MYH11: variants seen among roughly 807,000 people sequenced by gnomAD.
MYH11 encodes the protein myosin-11.
Under a neutral mutation model 246.6 loss-of-function variants are expected in MYH11, and 80 were observed. That is an observed-to-expected ratio of 0.32 (90% CI 0.27 to 0.39). MYH11 has a LOEUF of 0.39. MYH11 is among the 10% of genes least tolerant of loss of function. The pLI is 1.00. For synonymous variants in MYH11, 1,071 were observed against 1,015.5 expected, an observed-to-expected ratio of 1.05 and a Z score of -1.04; for missense variants, 2,158 against 2,546.8, an observed-to-expected ratio of 0.85 and a Z score of 3.29.
Position 15,745,124 on chromosome 16 carries a change from C to G in MYH11, c.2520+5G>C. 1 of 1,613,280 alleles carries G rather than the reference C, an allele frequency of 6.2e-7. No homozygotes were observed. Among genetic ancestry groups the G allele is most frequent in the Admixed American group, 1.7e-5 (1 of 60,026 alleles). ...CTGGGAAGGGGGCTGGGGCAGAGCACTCACTTTGGTGAAAAGCCTCCACCA... is the reference window on the plus strand; with the variant it reads ...CTGGGAAGGGGGCTGGGGCAGAGCAGTCACTTTGGTGAAAAGCCTCCACCA... On this transcript the variant is annotated splice_donor_5th_base_variant and intron_variant, in intron 20 of 40. Coordinates refer to ENST00000300036, the MANE Select transcript of MYH11 (RefSeq NM_002474.3).
Position 15,856,611 on chromosome 16 carries a change from G to A in MYH11, c.-18+330C>T, listed in dbSNP as rs1259942635. ...TTAGCCTCTTAACAAGAATCACTCG[G>A]GACTAATTTTTTTTTTTTTAAGGCA... On this transcript the variant is annotated intron_variant, in intron 1 of 40. Transcript: ENST00000300036. Among the ~76,000 whole-genome samples, 6 of 139,632 alleles carry A rather than the reference G, an allele frequency of 4.3e-5. 1 individual carries two copies. The East Asian group carries it at 1.7e-3, about 40-fold the overall frequency. 91.6% of individuals were successfully genotyped at this position (139,632 alleles called of 152,430 possible).
chr16:15,849,060 C>T (rs1164759975), intron 1 of MYH11, among the ~76,000 whole-genome samples: 3 of 152,210 alleles, frequency 2.0e-5, no homozygotes, highest in African/African-American at 7.2e-5. Context: ...TCATCAAGAG[C>T]TGCTCTCAAT....
chr16:15,745,354 A>C (rs2041389155), intron 19 of MYH11, 117 bp from the exon 20 acceptor site: 1 of 683,108 alleles, frequency 1.5e-6, no homozygotes, highest in Admixed American at 2.4e-5. Context: ...TCCCCAACTC[A>C]GGTTCTTCCA....
At chr16:15,721,132 C>G in intron 32 of MYH11, 81 bp from the exon 33 acceptor site, 2 of 1,483,022 alleles carry the variant, frequency 1.3e-6, no homozygotes, top group South Asian at 1.1e-5. Flanking sequence ...AGCGGCACCT[C>G]AGGAGATCAG....
chr16:15,730,637 C>G (rs1331202656), intron 27 of MYH11, among the ~76,000 whole-genome samples: 23 of 152,116 alleles, frequency 1.5e-4, no homozygotes, highest in Non-Finnish European at 2.5e-4. Context: ...GCAAATTCCC[C>G]AAAATTTTTA....
intron 2 of MYH11, among the ~76,000 whole-genome samples, chr16:15,837,322 AGTTTATCATAC>A (rs2043923389): frequency 6.6e-6 from 1 of 152,164 alleles, no homozygotes; most frequent in Non-Finnish European, 1.5e-5. Flanking sequence ...ATCTGTTGAG[AGTTTATCATAC>A]GTCTTGGCAC....
chr16:15,750,204 C>T lies in MYH11; in HGVS notation c.1992G>A (p.Leu664=), dbSNP rs2041529104. Residue 664 remains leucine (L), a synonymous_variant, in exon 16 of 41, where the codon CTG becomes CTA. Transcript: ENST00000300036. The surrounding 1 kb of genome is among the most constrained non-coding windows in gnomAD (Gnocchi z 4.3). ...GCGTGGTGTTGCGTAGCGTGGTCAT[C>T]AGCTTGCCCAGCTGCTCCTTGTACA... ...GQLYKEQLGK[L]MTTLRNTTPN... is the part of the protein sequence containing the mutation. The T allele has an allele frequency of 1.9e-6, 3 of 1,614,240 alleles. No homozygotes were observed. The highest frequency in any genetic ancestry group is 4.5e-5 in the East Asian group (2 of 44,880).
chr16:15,794,006 C>T (rs1223272369), intron 4 of MYH11, among the ~76,000 whole-genome samples: 3 of 128,832 alleles, frequency 2.3e-5, no homozygotes, highest in South Asian at 2.6e-4. Flanking sequence ...TGCAGTGGTG[C>T]GATCTCTGCT....
At chr16:15,796,745 T>TA (rs749733537) in intron 4 of MYH11, among the ~76,000 whole-genome samples, 1 of 151,808 alleles carries the variant, frequency 6.6e-6, no homozygotes, top group Non-Finnish European at 1.5e-5. Context: ...AAGAGAGAGG[T>TA]AGGGGGACCA....
chr16:15,790,040 C>CA (rs1277407327), intron 4 of MYH11, among the ~76,000 whole-genome samples: 1 of 152,248 alleles, frequency 6.6e-6, no homozygotes, highest in East Asian at 1.9e-4. Context: ...TGTGGTGGCT[C>CA]ACGCCTGTCA....
intron 2 of MYH11, among the ~76,000 whole-genome samples, chr16:15,831,973 G>A (rs1567207115): frequency 6.6e-6 from 1 of 151,976 alleles, no homozygotes; most frequent in Admixed American, 6.6e-5. Flanking sequence ...TAATGCTTGG[G>A]GCTTGACAAA....
intron 40 of MYH11, among the ~76,000 whole-genome samples, chr16:15,709,668 C>T (rs953923552): frequency 6.6e-6 from 1 of 152,140 alleles, no homozygotes; most frequent in African/African-American, 2.4e-5. Flanking sequence ...CTTTTAAGAA[C>T]CTCCTATAAA....
intron 9 of MYH11, among the ~76,000 whole-genome samples, chr16:15,764,419 G>T (rs1471282362): frequency 6.6e-6 from 1 of 152,020 alleles, no homozygotes; most frequent in Non-Finnish European, 1.5e-5. Context: ...TGAGGTGGGA[G>T]AACTGCTTGA....
chr16:15,796,650 CTG>C (rs1370306710), intron 4 of MYH11, among the ~76,000 whole-genome samples: 2 of 152,164 alleles, frequency 1.3e-5, no homozygotes, highest in African/African-American at 4.8e-5. Context: ...TCCTCAGAAT[CTG>C]TGAATATGTT....
chr16:15,806,720 CA>C (rs1331413851), intron 3 of MYH11, among the ~76,000 whole-genome samples: 5 of 151,790 alleles, frequency 3.3e-5, no homozygotes, highest in Non-Finnish European at 5.9e-5. Context: ...CCAACAATTA[CA>C]AAATTGTTCA....
intron 1 of MYH11, among the ~76,000 whole-genome samples, chr16:15,845,641 A>G (rs2044168753): frequency 6.6e-6 from 1 of 152,184 alleles, no homozygotes; most frequent in Non-Finnish European, 1.5e-5. Flanking sequence ...ATGCGGCAAA[A>G]TATTCAATCA....
intron 26 of MYH11, 31 bp downstream of exon 26, chr16:15,735,335 A>T (rs761427883): frequency 1.1e-5 from 18 of 1,610,250 alleles, no homozygotes; most frequent in Non-Finnish European, 1.5e-5. Flanking sequence ...GCAGTGGGAT[A>T]GCAGGATGGT....
intron 5 of MYH11, chr16:15,785,841 T>C (rs925625921): frequency 1.9e-5 from 3 of 156,460 alleles, no homozygotes; most frequent in Admixed American, 6.2e-5. Context: ...CTCTTAGTCA[T>C]ACCGTGTCAT....
intron 4 of MYH11, 52 bp downstream of exon 4, chr16:15,798,608 T>TAAAAAAAAAAAAAAAATA: frequency 9.7e-7 from 1 of 1,036,158 alleles, no homozygotes. Context: ...GACTACAGAT[T>TAAAAAAAAAAAAAAAATA]AAAAAAAAAA....
Sources: allele counts gnomAD v4.1 joint callset (sites outside exome capture counted in the v4.1 genomes callset), GRCh38; gene constraint gnomAD v4.1.1; non-coding constraint Gnocchi (gnomAD v3.1); transcripts MANE v1.5; gene names NCBI Gene and HGNC (gene_info 2026-07-23, HGNC 2026-07-21).